The following ARHGEF10L variants were observed in gnomAD, a reference collection of about 807,000 sequenced individuals.
The protein encoded by ARHGEF10L is Rho guanine nucleotide exchange factor 10 like.
A neutral mutation model predicts 141.2 loss-of-function variants in ARHGEF10L; 69 were observed. The ratio of observed to expected loss-of-function variants is 0.49; its 90% confidence interval spans 0.40 to 0.60. ARHGEF10L has a LOEUF of 0.60. ARHGEF10L is among the 20% of genes least tolerant of loss of function. The pLI is 0.00. For synonymous variants in ARHGEF10L, 711 were observed against 718.5 expected, an observed-to-expected ratio of 0.99 and a Z score of 0.17; for missense variants, 1,482 against 1,734.3, an observed-to-expected ratio of 0.85 and a Z score of 2.58.
chr1:17,618,463 C>T, intron 9 of ARHGEF10L: 1 of 1,478,056 alleles, frequency 6.8e-7, no homozygotes, highest in Non-Finnish European at 9.0e-7. Context: ...CTGCACCACC[C>T]CCACCCCCAC....
intron 22 of ARHGEF10L, among the ~76,000 whole-genome samples, chr1:17,648,980 G>A (rs2061754004): frequency 6.6e-6 from 1 of 152,216 alleles, no homozygotes; most frequent in South Asian, 2.1e-4. Context: ...TGCCGAAGCG[G>A]CTGTGCCAGC....
At position 17,693,045 on chromosome 1, in the gene ARHGEF10L, G is replaced by A. The variant is rs546690043; in HGVS notation, c.3185-2113G>A. Among the ~76,000 whole-genome samples, 38 of 152,230 alleles carry A rather than the reference G, an allele frequency of 2.5e-4. 1 individual carries two copies. The South Asian group carries it at 6.6e-3, about 27-fold the overall frequency. On this transcript the variant is annotated intron_variant, in intron 27 of 28. Coordinates refer to ENST00000361221, the MANE Select transcript of ARHGEF10L (RefSeq NM_018125.4). ...AATCCTCCACTGGCTCTGCCCTGTC[G>A]CCCTGTTTCAATCCTCTGCCTGGTG...
intron 4 of ARHGEF10L, among the ~76,000 whole-genome samples, chr1:17,600,738 T>C (rs1269691295): frequency 2.0e-5 from 3 of 152,166 alleles, no homozygotes; most frequent in Non-Finnish European, 2.9e-5. Context: ...TTCCTTGATT[T>C]CCAAGACCTT....
chr1:17,564,425 C>T (rs949984279), intron 1 of ARHGEF10L, among the ~76,000 whole-genome samples: 1 of 152,196 alleles, frequency 6.6e-6, no homozygotes, highest in Non-Finnish European at 1.5e-5. Flanking sequence ...AAGTTCTCCT[C>T]CTGATGTGCT....
intron 1 of ARHGEF10L, among the ~76,000 whole-genome samples, chr1:17,559,711 G>T (rs761533985): frequency 1.3e-5 from 2 of 152,306 alleles, no homozygotes; most frequent in East Asian, 1.9e-4. Context: ...ACTGTTGCAG[G>T]TTCCTAAGGA....
chr1:17,624,503 G>C lies in ARHGEF10L; in HGVS notation c.1317G>C (p.Lys439Asn). The C allele has an allele frequency of 6.2e-7, 1 of 1,613,288 alleles. No homozygotes were observed. Among genetic ancestry groups the C allele is most frequent in the Non-Finnish European group, 8.5e-7 (1 of 1,179,230 alleles). Residue 439 changes from lysine (K) to asparagine (N), a missense_variant and splice_region_variant, in exon 13 of 29, where the codon AAG becomes AAC. Lys to Asn is a moderately conservative substitution (Grantham distance 94, BLOSUM62 0). Around this residue, in one of 3 missense-constraint regions of ARHGEF10L, gnomAD observed 392 missense variants for 542.1 expected, o/e 0.72. Transcript: ENST00000361221. ...AGCCTGCCTTCCTCGAGTTCCTCAA[G>C]GTGGGCCTCCATGGTGGTACCGTGC... is the stretch of plus-strand genomic sequence containing the variant. The part of the protein sequence containing the change: ...LTKPAFLEFL[K>N]RRQVCSPDRV...
rs116839334 is a variant in ARHGEF10L at position 17,617,639 on chromosome 1, G to A, written c.835+1437G>A. 1.4e-3 allele frequency among the ~76,000 whole-genome samples: 213 copies of A among 152,374 alleles called. 1 individual carries two copies. Among genetic ancestry groups the A allele is most frequent in the African/African-American group, 4.6e-3 (193 of 41,594 alleles). On this transcript the variant is annotated intron_variant, in intron 9 of 28. Coordinates refer to ENST00000361221, the MANE Select transcript of ARHGEF10L (RefSeq NM_018125.4). ...GCCTGCCCTCGGCACATGGCCTGAT[G>A]CAGCAGAAGGAACACAGGCCTCGAG...
rs1473196003 is a variant in ARHGEF10L at position 17,580,578 on chromosome 1, T to G, written c.-18T>G. On this transcript the variant is annotated 5_prime_UTR_variant, in exon 2 of 29. Coordinates refer to ENST00000361221, the MANE Select transcript of ARHGEF10L (RefSeq NM_018125.4). ...GTGTGTAGCTGGGACGGTGCTGGTC[T>G]GAGCTGGACCTTGTCTGATGGCTTC... 6 of 1,614,150 alleles carry G rather than the reference T, an allele frequency of 3.7e-6. No individual in the cohort carries two copies. The African/African-American group carries it at 4.0e-5, about 11-fold the overall frequency.
chr1:17,682,379 A>G (rs1178786185), intron 26 of ARHGEF10L, among the ~76,000 whole-genome samples: 2 of 152,158 alleles, frequency 1.3e-5, no homozygotes, highest in African/African-American at 4.8e-5. Context: ...GTCCCACCAC[A>G]TAGGTTCAGA....
At position 17,597,519 on chromosome 1, in the gene ARHGEF10L, T is replaced by A. The variant is rs149358003; in HGVS notation, c.258-4608T>A. On this transcript the variant is annotated intron_variant, in intron 4 of 28. Transcript: ENST00000361221. ...GTCTTGAGCTGGAACGTTGCTCGTGTCCCTGCTCCCCCAACTTTATTCCTC... is the reference window on the plus strand; with the variant it reads ...GTCTTGAGCTGGAACGTTGCTCGTGACCCTGCTCCCCCAACTTTATTCCTC... Among the ~76,000 whole-genome samples, 587 of 152,294 alleles carry A rather than the reference T, an allele frequency of 3.9e-3. 8 individuals are homozygous for A. The highest frequency in any genetic ancestry group is 0.032 in the South Asian group (154 of 4,824).
At chr1:17,550,871 G>C (rs924322601) in intron 1 of ARHGEF10L, among the ~76,000 whole-genome samples, 3 of 152,110 alleles carry the variant, frequency 2.0e-5, no homozygotes, top group Non-Finnish European at 4.4e-5. Flanking sequence ...CAGCCTGGGA[G>C]CTAGGGGAAG....
At chr1:17,618,558 C>T (rs1457000251) in intron 9 of ARHGEF10L, 14 of 1,332,216 alleles carry the variant, frequency 1.1e-5, no homozygotes, top group Non-Finnish European at 1.4e-5. Context: ...CCCCCTCCCA[C>T]CCTTGGGGTT....
Position 17,573,271 on chromosome 1 carries a change from G to A in ARHGEF10L, c.-43-7282G>A, listed in dbSNP as rs539161197. 5.9e-5 allele frequency among the ~76,000 whole-genome samples: 9 copies of A among 152,296 alleles called. No homozygotes were observed. The highest frequency in any genetic ancestry group is 9.6e-5 in the African/African-American group (4 of 41,568). On this transcript the variant is annotated intron_variant, in intron 1 of 28. Coordinates refer to ENST00000361221, the MANE Select transcript of ARHGEF10L (RefSeq NM_018125.4). This position sits in a 1 kb window ranked among gnomAD's most constrained non-coding sequence, Gnocchi z 4.8. ...GTGGCGAGGGCCCAGCAGCGAGGAC[G>A]CCCAGCAGCTGGGAGGCGGGCATCC...
chr1:17,656,806 T>C lies in ARHGEF10L; in HGVS notation c.2860+98T>C. ...GAGGATACAGGAGGCTGGGCAGGAATGAATTGGGAAATCTCAGTGCTGAGG... is the reference window on the plus strand; with the variant it reads ...GAGGATACAGGAGGCTGGGCAGGAACGAATTGGGAAATCTCAGTGCTGAGG... On this transcript the variant is annotated intron_variant, in intron 25 of 28. Transcript: ENST00000361221. The surrounding 1 kb of genome is among the most constrained non-coding windows in gnomAD (Gnocchi z 4.9). 1.4e-6 allele frequency: 2 copies of C among 1,434,774 alleles called. No homozygotes were observed. Among genetic ancestry groups the C allele is most frequent in the African/African-American group, 1.4e-5 (1 of 70,940 alleles). 88.9% of individuals were successfully genotyped at this position (1,434,774 alleles called of 1,614,324 possible).
chr1:17,664,065 G>A (rs1044240257), intron 25 of ARHGEF10L, among the ~76,000 whole-genome samples: 3 of 152,170 alleles, frequency 2.0e-5, no homozygotes, highest in Non-Finnish European at 4.4e-5. Flanking sequence ...CCTAGAGGGC[G>A]AGACCTGTGT....
At chr1:17,679,470 G>A (rs1201595992) in intron 26 of ARHGEF10L, among the ~76,000 whole-genome samples, 2 of 152,146 alleles carry the variant, frequency 1.3e-5, no homozygotes, top group African/African-American at 4.8e-5. Context: ...TGGGTTTGGG[G>A]CTTCCAGTGC....
intron 2 of ARHGEF10L, among the ~76,000 whole-genome samples, chr1:17,583,667 C>T (rs778873418): frequency 1.3e-5 from 2 of 152,100 alleles, no homozygotes; most frequent in Non-Finnish European, 2.9e-5. Flanking sequence ...GAACCTTAGT[C>T]ACTGCAGTGA....
chr1:17,637,396 A>G (rs115578074), intron 18 of ARHGEF10L, among the ~76,000 whole-genome samples: 6,997 of 152,160 alleles, frequency 0.046, 533 homozygotes, highest in African/African-American at 0.16. Flanking sequence ...CAGACTGACT[A>G]TGGCCTGGAT....
At chr1:17,645,272 A>T (rs1030527258) in intron 21 of ARHGEF10L, among the ~76,000 whole-genome samples, 1 of 152,102 alleles carries the variant, frequency 6.6e-6, no homozygotes, top group South Asian at 2.1e-4. Flanking sequence ...TGGTTTTGTG[A>T]CGGGAACAAT....
Sources: gnomAD v4.1 joint callset for allele counts (sites outside exome capture counted in the v4.1 genomes callset) on GRCh38, gnomAD v4.1.1 for gene constraint, gnomAD v4.1.1 regional missense constraint, Gnocchi (gnomAD v3.1) non-coding constraint, MANE v1.5 for transcripts, NCBI Gene and HGNC (gene_info 2026-07-23, HGNC 2026-07-21) for gene names.